SYT1: variants seen among roughly 807,000 people sequenced by gnomAD.
The protein encoded by SYT1 is synaptotagmin-1.
SYT1 carries 8 observed loss-of-function variants against 44.8 expected under a neutral mutation model. That is an observed-to-expected ratio of 0.18 (90% CI 0.10 to 0.32). The LOEUF (loss-of-function observed/expected upper bound fraction) is 0.32. SYT1 is among the 10% of genes least tolerant of loss of function. The pLI, the probability that SYT1 is intolerant of heterozygous loss-of-function variation, is 1.00. For missense variants in SYT1, 286 were observed against 509.3 expected, an observed-to-expected ratio of 0.56 and a Z score of 4.22; for synonymous variants, 154 against 188.8, an observed-to-expected ratio of 0.82 and a Z score of 1.51.
intron 3 of SYT1, among the ~76,000 whole-genome samples, chr12:79,085,097 G>A (rs1242381307): frequency 2.0e-5 from 3 of 152,100 alleles, no homozygotes; most frequent in Non-Finnish European, 4.4e-5. Context: ...CTATCAGAAA[G>A]CAGAGGTGTC....
At chr12:78,874,397 A>G (rs184043755) in intron 1 of SYT1, among the ~76,000 whole-genome samples, 154 of 151,662 alleles carry the variant, frequency 1.0e-3, no homozygotes, top group Non-Finnish European at 1.8e-3. Flanking sequence ...GATCCACTTT[A>G]TAGGTTAGGT....
chr12:79,227,830 T>C (rs574418070), intron 4 of SYT1, among the ~76,000 whole-genome samples: 6 of 152,310 alleles, frequency 3.9e-5, no homozygotes, highest in Middle Eastern at 3.4e-3. Context: ...AAATGGTAGC[T>C]ATTATTAAAC....
intron 1 of SYT1, among the ~76,000 whole-genome samples, chr12:78,914,004 A>G (rs953474555): frequency 2.6e-5 from 4 of 151,964 alleles, no homozygotes; most frequent in African/African-American, 9.6e-5. Context: ...TTCATTTGTG[A>G]CATACAGATA....
chr12:79,054,179 T>C (rs1874755504), intron 3 of SYT1, among the ~76,000 whole-genome samples: 1 of 152,068 alleles, frequency 6.6e-6, no homozygotes, highest in South Asian at 2.1e-4. Flanking sequence ...CAGGTCTGTC[T>C]GATTTCTCCT....
At chr12:79,148,686 A>T (rs1014474519) in intron 3 of SYT1, among the ~76,000 whole-genome samples, 1 of 152,210 alleles carries the variant, frequency 6.6e-6, no homozygotes, top group African/African-American at 2.4e-5. Context: ...TATTGTAAAT[A>T]ATGCACTATA....
rs150741809 is a variant in SYT1, at chr12:78,971,140, G to A, written c.-216-6659G>A. On this transcript the variant is annotated intron_variant, in intron 1 of 10. Transcript: ENST00000261205. ...GATTGCACCACTGCACTCCAGCCTG[G>A]GCAACAGAGTGAGACTATGTCACTG... 2.4e-3 allele frequency among the ~76,000 whole-genome samples: 358 copies of A among 152,140 alleles called. 6 individuals are homozygous for A. The highest frequency in any genetic ancestry group is 3.7e-4 in the Non-Finnish European group (25 of 68,012).
intron 9 of SYT1, chr12:79,419,194 T>C: frequency 2.1e-6 from 1 of 477,338 alleles, no homozygotes. Context: ...TTTAAATTTC[T>C]ACTCACATTT....
chr12:78,897,886 A>G (rs1296594080), intron 1 of SYT1, among the ~76,000 whole-genome samples: 1 of 151,992 alleles, frequency 6.6e-6, no homozygotes, highest in Admixed American at 6.6e-5. Context: ...GCCTGAGCAG[A>G]GCTGAAACTC....
chr12:79,392,477 C>T (rs1884696467), intron 9 of SYT1: 2 of 151,934 alleles, frequency 1.3e-5, no homozygotes, highest in South Asian at 2.1e-4. Context: ...CAAATGAGGA[C>T]AGGAGGATGG....
intron 1 of SYT1, among the ~76,000 whole-genome samples, chr12:78,915,092 G>C (rs143456276): frequency 9.8e-5 from 7 of 71,630 alleles, no homozygotes; most frequent in Non-Finnish European, 1.7e-4. Context: ...AAAATAGAAA[G>C]GTGATGTCAT....
intron 9 of SYT1, among the ~76,000 whole-genome samples, chr12:79,361,336 A>G (rs779681682): frequency 7.0e-4 from 106 of 152,302 alleles, no homozygotes; most frequent in Admixed American, 1.8e-3. Flanking sequence ...CAGGATTACT[A>G]TTTGACAGAG....
chr12:79,184,804 C>T (rs1411535446), intron 3 of SYT1, among the ~76,000 whole-genome samples: 2 of 152,018 alleles, frequency 1.3e-5, no homozygotes, highest in African/African-American at 4.8e-5. Context: ...CTAATTTGCA[C>T]CCCAGTGGTT....
At chr12:79,062,456 G>A (rs1875462999) in intron 3 of SYT1, among the ~76,000 whole-genome samples, 1 of 152,150 alleles carries the variant, frequency 6.6e-6, no homozygotes. Flanking sequence ...GCCATGGGGT[G>A]GTGAGTGCTT....
chr12:78,998,196 G>A (rs1870502955), intron 2 of SYT1, among the ~76,000 whole-genome samples: 1 of 152,120 alleles, frequency 6.6e-6, no homozygotes, highest in African/African-American at 2.4e-5. Flanking sequence ...TATTTCATTT[G>A]CCTATGAAAA....
At chr12:79,105,803 C>T (rs953193430) in intron 3 of SYT1, among the ~76,000 whole-genome samples, 1 of 151,914 alleles carries the variant, frequency 6.6e-6, no homozygotes, top group Non-Finnish European at 1.5e-5. Flanking sequence ...TGGCATGAAC[C>T]CGGGAGGCGG....
intron 3 of SYT1, among the ~76,000 whole-genome samples, chr12:79,178,947 TAG>T (rs1491324760): frequency 0.055 from 2,889 of 52,754 alleles, 461 homozygotes; most frequent in African/African-American, 0.076. Context: ...GATATAGATA[TAG>T]ATATAGATAT....
At chr12:79,110,706 A>T (rs1378580756) in intron 3 of SYT1, among the ~76,000 whole-genome samples, 3 of 152,216 alleles carry the variant, frequency 2.0e-5, no homozygotes, top group African/African-American at 4.8e-5. Context: ...GAAGTATAAC[A>T]TGAATTAAAC....
At chr12:79,346,620 A>G (rs1882618100) in intron 8 of SYT1, among the ~76,000 whole-genome samples, 1 of 152,194 alleles carries the variant, frequency 6.6e-6, no homozygotes, top group Non-Finnish European at 1.5e-5. Context: ...TACCTCCAGA[A>G]ATGGTTTTGT....
chr12:79,007,993 TCAAGGAAC>T (rs1871198901), intron 2 of SYT1, among the ~76,000 whole-genome samples: 1 of 151,966 alleles, frequency 6.6e-6, no homozygotes, highest in South Asian at 2.1e-4. Flanking sequence ...ATCACTGCCC[TCAAGGAAC>T]TTATACTCTA....
Sources: allele counts gnomAD v4.1 joint callset (sites outside exome capture counted in the v4.1 genomes callset), GRCh38; gene constraint gnomAD v4.1.1; transcripts MANE v1.5; gene names NCBI Gene and HGNC (gene_info 2026-07-23, HGNC 2026-07-21).